The following SMARCA2 variants were observed in gnomAD, a reference collection of about 807,000 sequenced individuals.
SMARCA2 encodes the protein SWI/SNF-related matrix-associated actin-dependent regulator of chromatin subfamily A member 2.
Under a neutral mutation model 199.8 loss-of-function variants are expected in SMARCA2, and 61 were observed. That is an observed-to-expected ratio of 0.31 (90% CI 0.25 to 0.38). SMARCA2 has a LOEUF of 0.38. Ranked by LOEUF, SMARCA2 falls within the 10% of genes least tolerant of loss-of-function variation. The pLI, the probability that SMARCA2 is intolerant of heterozygous loss-of-function variation, is 1.00. For synonymous variants in SMARCA2, 935 were observed against 732.0 expected (o/e 1.28, Z -4.48); for missense variants, 1,344 against 2,012.2 (o/e 0.67, Z 6.35).
Position 2,123,670 on chromosome 9 carries a change from A to G in SMARCA2, c.3763-49A>G. On this transcript the variant is annotated intron_variant, in intron 26 of 33. Coordinates refer to ENST00000349721, the MANE Select transcript of SMARCA2 (RefSeq NM_003070.5). This position sits in a 1 kb window ranked among gnomAD's most constrained non-coding sequence, Gnocchi z 4.1. The stretch of plus-strand genomic sequence containing the variant: ...AGTTGTGTAGTGCTGGGAAGTCTGC[A>G]CCATACAGAAGCCCTGACTTTCGGT... The G allele has an allele frequency of 6.6e-7, 1 of 1,524,594 alleles. No individual in the cohort carries two copies. Among genetic ancestry groups the G allele is most frequent in the Non-Finnish European group, 9.1e-7 (1 of 1,102,776 alleles). 94.4% of individuals were successfully genotyped at this position (1,524,594 alleles called of 1,614,324 possible).
Position 2,076,293 on chromosome 9 carries a change from A to G in SMARCA2, c.2000A>G (p.Glu667Gly). 6.2e-7 allele frequency: 1 copy of G among 1,612,140 alleles called. No individual in the cohort carries two copies. The highest frequency in any genetic ancestry group is 8.5e-7 in the Non-Finnish European group (1 of 1,178,164). Residue 667 changes from glutamate (E) to glycine (G), a missense_variant, in exon 13 of 34, where the codon GAA becomes GGA. This residue lies in a region of SMARCA2 where 106 missense variants were observed against 179.7 expected (regional missense o/e 0.59). Transcript: ENST00000349721. ...AAAATACTCCTGGATCCAAATAGCG[A>G]AGAAGTTTCTGAGAAGGATGCTAAG... is the stretch of plus-strand genomic sequence containing the variant. The part of the protein sequence containing the change: ...EEKILLDPNS[E>G]EVSEKDAKQI...
intron 28 of SMARCA2, among the ~76,000 whole-genome samples, chr9:2,164,691 T>C (rs1825854463): frequency 6.6e-6 from 1 of 152,358 alleles, no homozygotes; most frequent in African/African-American, 2.4e-5. Context: ...TGGTACTGTT[T>C]ATTGAGTATG....
chr9:2,029,365 T>C (rs570910536), intron 2 of SMARCA2, 118 bp downstream of exon 2: 13 of 1,371,284 alleles, frequency 9.5e-6, no homozygotes, highest in Middle Eastern at 2.5e-4. Context: ...GATCTTTGTC[T>C]TGTATATCTC....
chr9:2,153,502 C>T (rs575976453), intron 27 of SMARCA2, among the ~76,000 whole-genome samples: 11 of 152,268 alleles, frequency 7.2e-5, no homozygotes, highest in Admixed American at 6.5e-4. Context: ...CACCACTGCA[C>T]TCCAGCCTGG....
At chr9:2,027,974 A>C (rs1396533835) in intron 1 of SMARCA2, among the ~76,000 whole-genome samples, 2 of 152,242 alleles carry the variant, frequency 1.3e-5, no homozygotes, top group African/African-American at 4.8e-5. Context: ...ATTCTGGCTC[A>C]TAGCCAAGAT....
intron 1 of SMARCA2, among the ~76,000 whole-genome samples, chr9:2,025,288 G>C (rs1327198495): frequency 2.0e-5 from 3 of 151,056 alleles, no homozygotes; most frequent in Non-Finnish European, 2.9e-5. Flanking sequence ...GTCCTGGTCT[G>C]GGGGAGGGTG....
In SMARCA2 at chr9:2,039,547, C is replaced by T. The variant is rs1320174809; in HGVS notation, c.437C>T (p.Pro146Leu). The change falls in exon 4 of 34, where the codon CCT becomes CTT. Residue 146 changes from proline (P) to leucine (L), a missense_variant. Physicochemically the swap from Pro to Leu is moderately conservative, Grantham distance 98 (BLOSUM62 -3). Around this residue, in one of 18 missense-constraint regions of SMARCA2, gnomAD observed 275 missense variants for 247.5 expected, o/e 1.11. Coordinates refer to ENST00000349721, the MANE Select transcript of SMARCA2 (RefSeq NM_003070.5). This position sits in a 1 kb window ranked among gnomAD's most constrained non-coding sequence, Gnocchi z 4.8. The part of the protein sequence containing the change: ...SPMSGGGPTP[P>L]QMPPSQPGAL... ...ATGTCTGGAGGAGGCCCAACTCCAC[C>T]TCAGATGCCACCAAGCCAGCCGGGG... 1.2e-6 allele frequency: 2 copies of T among 1,614,068 alleles called. No individual in the cohort carries two copies. The highest frequency in any genetic ancestry group is 2.7e-5 in the African/African-American group (2 of 74,912).
intron 27 of SMARCA2, among the ~76,000 whole-genome samples, chr9:2,155,636 T>C (rs1825317261): frequency 6.6e-6 from 1 of 151,742 alleles, no homozygotes; most frequent in African/African-American, 2.4e-5. Context: ...TAATTGACCT[T>C]GTCTCAGATG....
At chr9:2,147,691 C>T (rs1009146237) in intron 27 of SMARCA2, among the ~76,000 whole-genome samples, 5 of 151,460 alleles carry the variant, frequency 3.3e-5, no homozygotes, top group African/African-American at 4.8e-5. Context: ...ACTAAAAATA[C>T]GAAAATTAGC....
intron 2 of SMARCA2, among the ~76,000 whole-genome samples, chr9:2,030,256 T>A (rs1819003495): frequency 6.6e-6 from 1 of 151,848 alleles, no homozygotes; most frequent in South Asian, 2.1e-4. Flanking sequence ...AAGCTGAGAG[T>A]TCTATTATCT....
At chr9:2,172,703 C>A (rs142526914) in intron 29 of SMARCA2, among the ~76,000 whole-genome samples, 1 of 152,158 alleles carries the variant, frequency 6.6e-6, no homozygotes, top group East Asian at 1.9e-4. Flanking sequence ...GTGACTGTTA[C>A]GAGCACTGTT....
At chr9:2,058,640 T>C (rs1057328775) in intron 8 of SMARCA2, among the ~76,000 whole-genome samples, 176 bp downstream of exon 8, 10 of 152,198 alleles carry the variant, frequency 6.6e-5, no homozygotes, top group African/African-American at 2.4e-4. Context: ...TCCTGGAGAA[T>C]GCATGCCAAA....
chr9:2,032,756 C>T, intron 2 of SMARCA2, 196 bp from the exon 3 acceptor site: 1 of 443,524 alleles, frequency 2.3e-6, no homozygotes, highest in Non-Finnish European at 4.0e-6. Context: ...AAACAACCCT[C>T]CACTGTTTAA....
chr9:2,193,031 G>T lies in SMARCA2; in HGVS notation c.*292G>T. 6.3e-6 allele frequency: 2 copies of T among 315,744 alleles called. No homozygotes were observed. The highest frequency in any genetic ancestry group is 1.1e-5 in the Non-Finnish European group (2 of 174,376). 19.6% of individuals were successfully genotyped at this position (315,744 alleles called of 1,614,324 possible). ...GGTGGATAGTATATTTCTATGGGTG[G>T]GTCTAATTTGGTAACGGTTTGATTG... On this transcript the variant is annotated 3_prime_UTR_variant, in exon 34 of 34. Transcript: ENST00000349721.
chr9:2,096,884 C>A, intron 20 of SMARCA2, 120 bp downstream of exon 20: 2 of 703,282 alleles, frequency 2.8e-6, no homozygotes, highest in Non-Finnish European at 5.2e-6. Context: ...AATCACTGGA[C>A]CTCCTTTGAG....
At chr9:2,095,055 C>A (rs1449666834) in intron 19 of SMARCA2, among the ~76,000 whole-genome samples, 2 of 151,550 alleles carry the variant, frequency 1.3e-5, no homozygotes, top group Non-Finnish European at 2.9e-5. Flanking sequence ...TACCTTGATA[C>A]AATTATACCT....
chr9:2,061,588 T>C (rs1014660494), intron 9 of SMARCA2, among the ~76,000 whole-genome samples: 1 of 152,228 alleles, frequency 6.6e-6, no homozygotes, highest in Non-Finnish European at 1.5e-5. Context: ...GCAGCTATTA[T>C]ATCTCAATTC....
At chr9:2,187,117 A>ATTT (rs35427397) in intron 32 of SMARCA2, among the ~76,000 whole-genome samples, 5 of 150,592 alleles carry the variant, frequency 3.3e-5, no homozygotes, top group South Asian at 2.1e-4. Flanking sequence ...TTTGCATAGA[A>ATTT]TTTTTTTTTT....
At chr9:2,139,976 A>T (rs1010344743) in intron 27 of SMARCA2, among the ~76,000 whole-genome samples, 1 of 152,000 alleles carries the variant, frequency 6.6e-6, no homozygotes, top group African/African-American at 2.4e-5. Flanking sequence ...AGCTTGACCT[A>T]TTCCCAGGAA....
Sources: allele counts gnomAD v4.1 joint callset (sites outside exome capture counted in the v4.1 genomes callset), GRCh38; gene constraint gnomAD v4.1.1; regional missense constraint gnomAD v4.1.1; non-coding constraint Gnocchi (gnomAD v3.1); transcripts MANE v1.5; gene names NCBI Gene and HGNC (gene_info 2026-07-23, HGNC 2026-07-21).